The following ELAPOR1 variants were observed in gnomAD, a reference collection of about 807,000 sequenced individuals.
The protein encoded by ELAPOR1 is endosome/lysosome-associated apoptosis and autophagy regulator 1.
In ELAPOR1, 77 loss-of-function variants were observed where a neutral mutation model predicts 119.7. That is an observed-to-expected ratio of 0.64 (90% CI 0.54 to 0.78). The LOEUF is 0.78. Ranked by LOEUF, ELAPOR1 falls within the 30% of genes least tolerant of loss-of-function variation. The probability of loss-of-function intolerance (pLI) is 0.00; values close to 1 mark genes in which losing one functional copy is unlikely to be tolerated. For missense variants in ELAPOR1, 1,115 were observed against 1,270.4 expected (o/e 0.88, Z 1.86); for synonymous variants, 481 against 487.2 (o/e 0.99, Z 0.17).
intron 14 of ELAPOR1, 112 bp from the exon 15 acceptor site, chr1:109,194,309 C>T: frequency 1.1e-6 from 1 of 879,260 alleles, no homozygotes; most frequent in Non-Finnish European, 1.8e-6. Context: ...TTTCTTCCTC[C>T]TCTTGACCCC....
At chr1:109,174,447 A>T (rs1014657972) in intron 7 of ELAPOR1, among the ~76,000 whole-genome samples, 1 of 139,210 alleles carries the variant, frequency 7.2e-6, no homozygotes, top group Non-Finnish European at 1.5e-5. Context: ...AAAAAAAAAA[A>T]ATCATTCAAT....
chr1:109,182,010 T>A (rs1360436959), intron 7 of ELAPOR1, among the ~76,000 whole-genome samples: 1 of 152,124 alleles, frequency 6.6e-6, no homozygotes, highest in Non-Finnish European at 1.5e-5. Flanking sequence ...TTAATCCTTA[T>A]TCACTCTCCT....
chr1:109,156,747 A>T (rs1650897186), intron 1 of ELAPOR1, among the ~76,000 whole-genome samples: 1 of 151,642 alleles, frequency 6.6e-6, no homozygotes, highest in South Asian at 2.1e-4. Flanking sequence ...CTCAGTTCCC[A>T]CCCACTTGAG....
chr1:109,136,386 G>A (rs999511430), intron 1 of ELAPOR1, among the ~76,000 whole-genome samples: 4 of 152,292 alleles, frequency 2.6e-5, no homozygotes, highest in South Asian at 2.1e-4. Flanking sequence ...GCTGTCCCCC[G>A]AAGCCAGGGC....
intron 21 of ELAPOR1, 77 bp from the exon 22 acceptor site, chr1:109,202,867 C>G (rs771561962): frequency 7.4e-7 from 1 of 1,357,600 alleles, no homozygotes. Flanking sequence ...CTTCTGTCAC[C>G]TATTTTCCAT....
At chr1:109,147,960 GCTGGGACTACAGGTGC>G (rs1650282488) in intron 1 of ELAPOR1, among the ~76,000 whole-genome samples, 1 of 150,728 alleles carries the variant, frequency 6.6e-6, no homozygotes, top group Non-Finnish European at 1.5e-5. Context: ...CTCCCAAGTA[GCTGGGACTACAGGTGC>G]CCGCCACCAC....
chr1:109,143,562 A>G (rs533686011), intron 1 of ELAPOR1, among the ~76,000 whole-genome samples: 74 of 152,334 alleles, frequency 4.9e-4, no homozygotes, highest in African/African-American at 1.7e-3. Flanking sequence ...AATCTTGTGA[A>G]TATATTAAAA....
At chr1:109,132,518 A>C (rs556815164) in intron 1 of ELAPOR1, among the ~76,000 whole-genome samples, 4 of 152,334 alleles carry the variant, frequency 2.6e-5, no homozygotes, top group Non-Finnish European at 5.9e-5. Context: ...TATAAGGATA[A>C]AATGACAACT....
chr1:109,189,505 C>G, intron 10 of ELAPOR1, 87 bp from the exon 11 acceptor site: 1 of 1,238,038 alleles, frequency 8.1e-7, no homozygotes. Context: ...AAGATGGTGT[C>G]AAACCTCCCT....
intron 1 of ELAPOR1, among the ~76,000 whole-genome samples, chr1:109,125,497 A>T (rs981158104): frequency 2.0e-5 from 3 of 151,720 alleles, no homozygotes; most frequent in Non-Finnish European, 2.9e-5. Flanking sequence ...GGTTCAAGTG[A>T]TTCTCCTGCC....
chr1:109,158,024 A>C (rs1365841415), intron 1 of ELAPOR1, among the ~76,000 whole-genome samples: 3 of 152,150 alleles, frequency 2.0e-5, no homozygotes, highest in African/African-American at 7.2e-5. Flanking sequence ...AGTGGCTGGA[A>C]CTACAGGCAC....
At chr1:109,114,978 A>G (rs1334616135) in intron 1 of ELAPOR1, among the ~76,000 whole-genome samples, 1 of 152,162 alleles carries the variant, frequency 6.6e-6, no homozygotes, top group Non-Finnish European at 1.5e-5. Flanking sequence ...CTTTTTGCAG[A>G]TTTTGAGTTC....
At chr1:109,117,255 A>G (rs1648075262) in intron 1 of ELAPOR1, among the ~76,000 whole-genome samples, 1 of 152,198 alleles carries the variant, frequency 6.6e-6, no homozygotes, top group Non-Finnish European at 1.5e-5. Flanking sequence ...TATAATAATC[A>G]GGGTCACAAA....
intron 7 of ELAPOR1, among the ~76,000 whole-genome samples, chr1:109,179,051 T>C (rs910646092): frequency 2.8e-4 from 43 of 151,822 alleles, no homozygotes; most frequent in Non-Finnish European, 1.0e-4. Flanking sequence ...CGCTAAGATC[T>C]GGAAAGATGA....
intron 7 of ELAPOR1, among the ~76,000 whole-genome samples, chr1:109,176,606 CT>C (rs1166255748): frequency 0.027 from 3,503 of 127,720 alleles, 69 homozygotes; most frequent in African/African-American, 0.065. Context: ...CTTTTTTTTT[CT>C]TTTTTTTTTT....
chr1:109,115,527 C>T (rs1647934018), intron 1 of ELAPOR1, among the ~76,000 whole-genome samples: 1 of 152,192 alleles, frequency 6.6e-6, no homozygotes, highest in African/African-American at 2.4e-5. Flanking sequence ...CGACTTCCCA[C>T]CTCGGCCTCC....
At chr1:109,118,662 A>T (rs1648182568) in intron 1 of ELAPOR1, among the ~76,000 whole-genome samples, 1 of 152,022 alleles carries the variant, frequency 6.6e-6, no homozygotes, top group Admixed American at 6.6e-5. Context: ...GTGTAGGGTG[A>T]TGGTGACGGG....
intron 17 of ELAPOR1, 24 bp downstream of exon 17, chr1:109,198,099 T>A: frequency 6.4e-7 from 1 of 1,573,690 alleles, no homozygotes. Flanking sequence ...GCTAGGCTAA[T>A]GCAAGTGAAA....
At chr1:109,169,556 C>A (rs1651804336) in intron 3 of ELAPOR1, among the ~76,000 whole-genome samples, 1 of 152,110 alleles carries the variant, frequency 6.6e-6, no homozygotes, top group African/African-American at 2.4e-5. Context: ...CCCAACTGGC[C>A]ATTATTAAGC....
Sources: gnomAD v4.1 joint callset for allele counts (sites outside exome capture counted in the v4.1 genomes callset) on GRCh38, gnomAD v4.1.1 for gene constraint, MANE v1.5 for transcripts, NCBI Gene and HGNC (gene_info 2026-07-23, HGNC 2026-07-21) for gene names.